TAF1: variants seen among roughly 807,000 people sequenced by gnomAD.
The protein encoded by TAF1 is TATA-box binding protein associated factor 1.
In TAF1, 2 loss-of-function variants were observed where a neutral mutation model predicts 138.5. The ratio of observed to expected loss-of-function variants is 0.01; its 90% confidence interval spans 0.01 to 0.05. The LOEUF (loss-of-function observed/expected upper bound fraction) is 0.05. Among genes scored for constraint, TAF1 ranks in the 10% least tolerant of loss-of-function variants. The pLI is 1.00. For synonymous variants in TAF1, 437 were observed against 503.2 expected (o/e 0.87, Z 1.76); for missense variants, 709 against 1,478.0 (o/e 0.48, Z 8.53).
chrX:71,408,849 C>T (rs1260069582), intron 28 of TAF1, among the ~76,000 whole-genome samples: 1 of 110,384 alleles, frequency 9.1e-6, no homozygotes, highest in Non-Finnish European at 1.9e-5. Context: ...CCCATCTCTA[C>T]TAAAAATACA....
chrX:71,475,119 A>G (rs1469660587), intron 13 of TAF1, among the ~76,000 whole-genome samples: 1 of 111,398 alleles, frequency 9.0e-6, no homozygotes, highest in Non-Finnish European at 1.9e-5. Flanking sequence ...GATGTCTGGG[A>G]GACATCCAAG....
intron 22 of TAF1, 83 bp from the exon 23 acceptor site, chrX:71,397,170 T>C (rs2034903246): frequency 1.9e-6 from 2 of 1,026,942 alleles, no homozygotes; most frequent in Non-Finnish European, 2.7e-6. Flanking sequence ...ATGTTGAACT[T>C]TGATAGCTCC....
chrX:71,447,938 A>G (rs1389190333), intron 32 of TAF1, among the ~76,000 whole-genome samples: 1 of 111,720 alleles, frequency 9.0e-6, no homozygotes, highest in Non-Finnish European at 1.9e-5. Context: ...ATTTGGTATG[A>G]GGCAAAGTAT....
rs28382166 is a variant in TAF1 at position 71,384,191 on chromosome X, T to G, written c.2121+56T>G. 22,361 of 1,160,018 alleles carry G rather than the reference T, an allele frequency of 0.019. 928 individuals carry two copies. The African/African-American group carries it at 0.2, about 10-fold the overall frequency. ...ATACATAATTCTGCTTATGCTTCCA[T>G]AAACTTTTATGTACAAACTTTTTGT... On this transcript the variant is annotated intron_variant, in intron 13 of 37. Transcript: ENST00000423759.
At chrX:71,509,757 A>G (rs1041169498) in intron 13 of TAF1, among the ~76,000 whole-genome samples, 3 of 110,646 alleles carry the variant, frequency 2.7e-5, no homozygotes, top group Admixed American at 2.0e-4. Context: ...GGACAACTTG[A>G]GGCCAGGAGT....
intron 13 of TAF1, among the ~76,000 whole-genome samples, chrX:71,502,195 G>T (rs1292682302): frequency 9.0e-6 from 1 of 111,673 alleles, no homozygotes; most frequent in Non-Finnish European, 1.9e-5. Flanking sequence ...GTGCTGATTG[G>T]TGCATTTACA....
At chrX:71,427,636 G>T (rs1417482281) in intron 32 of TAF1, among the ~76,000 whole-genome samples, 2 of 111,906 alleles carry the variant, frequency 1.8e-5, no homozygotes, top group East Asian at 5.6e-4. Context: ...TGTTGCACTA[G>T]TAATCCAAGA....
At chrX:71,456,256 T>C (rs1458571909) in intron 34 of TAF1, among the ~76,000 whole-genome samples, 1 of 112,077 alleles carries the variant, frequency 8.9e-6, no homozygotes, top group Non-Finnish European at 1.9e-5. Context: ...GTCACCTTCC[T>C]TTCTTCACTA....
At chrX:71,422,179 A>C (rs2036379261) in intron 29 of TAF1, among the ~76,000 whole-genome samples, 1 of 111,940 alleles carries the variant, frequency 8.9e-6, no homozygotes, top group Non-Finnish European at 1.9e-5. Context: ...CTTAAAGCCT[A>C]AATTGCTAAA....
chrX:71,418,598 GC>G (rs1435172946), intron 28 of TAF1, among the ~76,000 whole-genome samples: 6 of 112,000 alleles, frequency 5.4e-5, no homozygotes, highest in Non-Finnish European at 1.1e-4. Flanking sequence ...ATACAATCTA[GC>G]AAAGGATATG....
intron 32 of TAF1, among the ~76,000 whole-genome samples, chrX:71,444,625 G>C (rs1474396270): frequency 9.0e-6 from 1 of 111,585 alleles, no homozygotes; most frequent in Admixed American, 9.5e-5. Flanking sequence ...GCTGAGATGG[G>C]AGGATTGCTT....
chrX:71,395,956 A>G, intron 22 of TAF1, among the ~76,000 whole-genome samples: 1 of 110,175 alleles, frequency 9.1e-6, no homozygotes, highest in East Asian at 2.9e-4. Context: ...TCAGGAGTTT[A>G]AAACCATCTT....
chrX:71,452,745 C>T (rs182095385), intron 32 of TAF1, among the ~76,000 whole-genome samples: 13 of 111,965 alleles, frequency 1.2e-4, no homozygotes, highest in East Asian at 1.1e-3. Flanking sequence ...GCCGAGATCA[C>T]GCCACTGCAC....
chrX:71,424,409 A>G (rs2036497016), intron 32 of TAF1, among the ~76,000 whole-genome samples, 171 bp downstream of exon 32: 1 of 85,060 alleles, frequency 1.2e-5, no homozygotes, highest in African/African-American at 4.4e-5. Flanking sequence ...CCACCGTGCC[A>G]GGCTCTTTTT....
chrX:71,496,593 G>T (rs1000748591), intron 13 of TAF1, among the ~76,000 whole-genome samples: 1 of 105,666 alleles, frequency 9.5e-6, no homozygotes, highest in Non-Finnish European at 1.9e-5. Flanking sequence ...CTCTTCCTCT[G>T]CCTGCCTCTC....
intron 37 of TAF1, 168 bp downstream of exon 37, chrX:71,460,971 C>A: frequency 1.6e-6 from 1 of 611,372 alleles, no homozygotes; most frequent in South Asian, 2.8e-5. Context: ...ACATATCCTG[C>A]CCTTGAGGAG....
At chrX:71,500,132 G>A (rs1205743421) in intron 13 of TAF1, among the ~76,000 whole-genome samples, 1 of 110,952 alleles carries the variant, frequency 9.0e-6, no homozygotes. Context: ...ATAGGAAGGG[G>A]AGCTGTAGGA....
At chrX:71,526,053 G>A (rs1233909321) in intron 13 of TAF1, among the ~76,000 whole-genome samples, 1 of 111,079 alleles carries the variant, frequency 9.0e-6, no homozygotes, top group Non-Finnish European at 1.9e-5. Context: ...TGCAAAGTAG[G>A]GAGGGCAGGG....
chrX:71,490,332 C>T (rs368519546), intron 13 of TAF1, among the ~76,000 whole-genome samples: 1 of 112,105 alleles, frequency 8.9e-6, no homozygotes, highest in East Asian at 2.8e-4. Flanking sequence ...TCAGGTATTC[C>T]GTTATAGCAG....
Sources: gnomAD v4.1 joint callset for allele counts (sites outside exome capture counted in the v4.1 genomes callset) on GRCh38, gnomAD v4.1.1 for gene constraint, MANE v1.5 for transcripts, NCBI Gene and HGNC (gene_info 2026-07-23, HGNC 2026-07-21) for gene names.